The following CPNE4 variants were observed in gnomAD, a reference collection of about 807,000 sequenced individuals.
CPNE4 encodes the protein copine-4.
Under a neutral mutation model 67.9 loss-of-function variants are expected in CPNE4, and 25 were observed. That is an observed-to-expected ratio of 0.37 (90% CI 0.27 to 0.51). The LOEUF is 0.51. Among genes scored for constraint, CPNE4 ranks in the 20% least tolerant of loss-of-function variants. CPNE4 has a pLI of 0.93. For missense variants in CPNE4, 464 were observed against 690.8 expected (o/e 0.67, Z 3.68); for synonymous variants, 242 against 244.9 (o/e 0.99, Z 0.11).
chr3:131,672,928 G>A (rs2080461294), intron 6 of CPNE4, among the ~76,000 whole-genome samples: 1 of 152,012 alleles, frequency 6.6e-6, no homozygotes. Context: ...CAATGACTTA[G>A]AGAGTTTCCC....
At position 131,855,669 on chromosome 3, in the gene CPNE4, G is replaced by C. The variant is rs1475006673; in HGVS notation, c.180+49595C>G. Reference sequence around the variant, plus strand: ...CTCTGGAGTTTCTGTTTTGATCGAAGTAGTTATTTGTTCTCCTAACCGTGC... The same window carrying C: ...CTCTGGAGTTTCTGTTTTGATCGAACTAGTTATTTGTTCTCCTAACCGTGC... On this transcript the variant is annotated intron_variant, in intron 2 of 15. Coordinates refer to ENST00000429747, the MANE Select transcript of CPNE4 (RefSeq NM_130808.3). Among the ~76,000 whole-genome samples the C allele has an allele frequency of 3.3e-5, 5 of 151,838 alleles. No individual in the cohort carries two copies. The East Asian group carries it at 9.7e-4, about 29-fold the overall frequency.
At chr3:131,638,194 T>C (rs538696170) in intron 7 of CPNE4, among the ~76,000 whole-genome samples, 1 of 152,160 alleles carries the variant, frequency 6.6e-6, no homozygotes, top group South Asian at 2.1e-4. Context: ...CACATCTCAA[T>C]ACTAATATTG....
intron 1 of CPNE4, among the ~76,000 whole-genome samples, chr3:131,949,750 G>T (rs2071665509): frequency 6.6e-6 from 1 of 151,990 alleles, no homozygotes; most frequent in African/African-American, 2.4e-5. Context: ...TACCCCACAG[G>T]ACTCACTTAT....
At chr3:131,855,055 G>T (rs1176235992) in intron 2 of CPNE4, among the ~76,000 whole-genome samples, 1 of 151,998 alleles carries the variant, frequency 6.6e-6, no homozygotes, top group Non-Finnish European at 1.5e-5. Context: ...TGAAAAGCCA[G>T]ATTCAAGAGA....
intron 1 of CPNE4, among the ~76,000 whole-genome samples, chr3:131,945,228 G>A (rs545256233): frequency 2.0e-4 from 30 of 152,064 alleles, no homozygotes; most frequent in African/African-American, 4.1e-4. Flanking sequence ...TCAAAACCTG[G>A]TAACAAAAAT....
chr3:131,606,835 C>A (rs890491119), intron 7 of CPNE4, among the ~76,000 whole-genome samples: 3 of 151,994 alleles, frequency 2.0e-5, no homozygotes, highest in Non-Finnish European at 4.4e-5. Context: ...CAATATTTCT[C>A]TTTTTTCCTG....
At chr3:131,891,063 T>G (rs2088093590) in intron 2 of CPNE4, among the ~76,000 whole-genome samples, 2 of 152,050 alleles carry the variant, frequency 1.3e-5, no homozygotes, top group South Asian at 4.1e-4. Flanking sequence ...AAATATTTAT[T>G]AAGAGGACAG....
At chr3:131,811,356 AT>A (rs2084520142) in intron 2 of CPNE4, among the ~76,000 whole-genome samples, 1 of 152,050 alleles carries the variant, frequency 6.6e-6, no homozygotes. Flanking sequence ...TTATATGTAA[AT>A]TGTATCTCAG....
At chr3:131,588,485 T>G (rs916661570) in intron 7 of CPNE4, among the ~76,000 whole-genome samples, 1 of 152,166 alleles carries the variant, frequency 6.6e-6, no homozygotes, top group Non-Finnish European at 1.5e-5. Context: ...GGGGACCTTT[T>G]GCTCAGAGGT....
At chr3:131,807,891 T>A (rs1414093770) in intron 2 of CPNE4, among the ~76,000 whole-genome samples, 1 of 152,168 alleles carries the variant, frequency 6.6e-6, no homozygotes, top group South Asian at 2.1e-4. Context: ...GCCTGGTACA[T>A]AATAGAAGAT....
At chr3:131,736,611 CAAAA>C (rs71136406) in intron 2 of CPNE4, among the ~76,000 whole-genome samples, 27 of 82,120 alleles carry the variant, frequency 3.3e-4, no homozygotes, top group South Asian at 1.3e-3. Flanking sequence ...AAGACTGTCT[CAAAA>C]AAAAAAAAAA....
chr3:131,715,159 A>T (rs2081652078), intron 3 of CPNE4, among the ~76,000 whole-genome samples: 1 of 152,148 alleles, frequency 6.6e-6, no homozygotes, highest in Non-Finnish European at 1.5e-5. Flanking sequence ...AGAGCAATGC[A>T]CCTTCTGGGT....
At chr3:131,578,346 G>A (rs565680605) in intron 9 of CPNE4, among the ~76,000 whole-genome samples, 1 of 152,098 alleles carries the variant, frequency 6.6e-6, no homozygotes, top group Non-Finnish European at 1.5e-5. Flanking sequence ...TAATTGATAA[G>A]TGTTGTGTGT....
chr3:131,849,641 G>C (rs1035466555), intron 2 of CPNE4, among the ~76,000 whole-genome samples: 1 of 152,146 alleles, frequency 6.6e-6, no homozygotes, highest in Non-Finnish European at 1.5e-5. Flanking sequence ...CAGAAGGTAT[G>C]TCAATTCTGA....
intron 2 of CPNE4, among the ~76,000 whole-genome samples, chr3:131,871,313 G>T (rs1200931530): frequency 6.6e-6 from 1 of 152,070 alleles, no homozygotes; most frequent in African/African-American, 2.4e-5. Flanking sequence ...AGTGGGATTT[G>T]CCCTGATAAG....
At chr3:131,693,727 G>GACCTCCCCTCTT (rs576904624) in intron 5 of CPNE4, among the ~76,000 whole-genome samples, 3,255 of 151,968 alleles carry the variant, frequency 0.021, 120 homozygotes, top group African/African-American at 0.073. Flanking sequence ...ACTGCTGCCT[G>GACCTCCCCTCTT]ACCTCCCCTC....
chr3:131,914,726 C>G (rs1040079061), intron 1 of CPNE4, among the ~76,000 whole-genome samples: 3 of 152,176 alleles, frequency 2.0e-5, no homozygotes, highest in Non-Finnish European at 4.4e-5. Flanking sequence ...CCTGTAATCC[C>G]AGCACTGTGG....
chr3:131,727,859 G>C (rs554494347), intron 2 of CPNE4, among the ~76,000 whole-genome samples: 2 of 152,024 alleles, frequency 1.3e-5, no homozygotes, highest in African/African-American at 4.8e-5. Flanking sequence ...CATAATCTGT[G>C]GTCTTTTATT....
At chr3:131,789,880 G>A (rs764054153) in intron 2 of CPNE4, among the ~76,000 whole-genome samples, 10 of 152,148 alleles carry the variant, frequency 6.6e-5, no homozygotes, top group Non-Finnish European at 1.5e-4. Context: ...CAAAGAAGGA[G>A]CCCTACATCT....
Sources: gnomAD v4.1 joint callset for allele counts (sites outside exome capture counted in the v4.1 genomes callset) on GRCh38, gnomAD v4.1.1 for gene constraint, MANE v1.5 for transcripts, NCBI Gene and HGNC (gene_info 2026-07-23, HGNC 2026-07-21) for gene names.